The following SGCZ variants were observed in gnomAD, a reference collection of about 807,000 sequenced individuals.
SGCZ encodes zeta-sarcoglycan.
In SGCZ, 40 loss-of-function variants were observed where a neutral mutation model predicts 41.3. That is an observed-to-expected ratio of 0.97 (90% CI 0.75 to 1.26). The LOEUF is 1.26. SGCZ is among the 50% of genes most tolerant of loss of function. The probability of loss-of-function intolerance (pLI) is 0.00; values close to 1 mark genes in which losing one functional copy is unlikely to be tolerated. For synonymous variants in SGCZ, 206 were observed against 137.5 expected (o/e 1.50, Z -3.49); for missense variants, 552 against 369.8 (o/e 1.49, Z -4.04).
At chr8:14,398,681 T>C (rs993691904) in intron 2 of SGCZ, among the ~76,000 whole-genome samples, 3 of 152,020 alleles carry the variant, frequency 2.0e-5, no homozygotes, top group African/African-American at 7.2e-5. Flanking sequence ...TTACAAAGGG[T>C]GCTTGTCAGA....
At chr8:14,589,124 T>G (rs943450971) in intron 1 of SGCZ, among the ~76,000 whole-genome samples, 7 of 152,130 alleles carry the variant, frequency 4.6e-5, no homozygotes, top group African/African-American at 1.7e-4. Context: ...ACATGGCACA[T>G]GTATACATAT....
At chr8:14,292,291 G>C (rs1800866454) in intron 3 of SGCZ, among the ~76,000 whole-genome samples, 1 of 151,914 alleles carries the variant, frequency 6.6e-6, no homozygotes, top group South Asian at 2.1e-4. Flanking sequence ...ACTAATCTGG[G>C]GCAGACATGA....
At chr8:14,170,630 A>G (rs772551833) in intron 4 of SGCZ, among the ~76,000 whole-genome samples, 1 of 152,158 alleles carries the variant, frequency 6.6e-6, no homozygotes, top group African/African-American at 2.4e-5. Flanking sequence ...AAGGGTCCCA[A>G]TGGAACAACA....
At chr8:14,241,403 G>A (rs1798884341) in intron 3 of SGCZ, among the ~76,000 whole-genome samples, 1 of 148,352 alleles carries the variant, frequency 6.7e-6, no homozygotes, top group Admixed American at 6.8e-5. Context: ...CTACTATAAA[G>A]ATATAATATT....
At chr8:15,162,476 G>A (rs1036917776) in intron 1 of SGCZ, among the ~76,000 whole-genome samples, 2 of 152,172 alleles carry the variant, frequency 1.3e-5, no homozygotes, top group Non-Finnish European at 2.9e-5. Context: ...TACAAGTCAC[G>A]TGGATAGATA....
intron 1 of SGCZ, among the ~76,000 whole-genome samples, chr8:14,567,152 C>A (rs1442093768): frequency 6.6e-6 from 1 of 152,128 alleles, no homozygotes. Flanking sequence ...GGCGTCGGAG[C>A]CCCCCCAGGG....
chr8:15,114,588 A>T (rs1807196958), intron 1 of SGCZ, among the ~76,000 whole-genome samples: 1 of 152,180 alleles, frequency 6.6e-6, no homozygotes, highest in African/African-American at 2.4e-5. Flanking sequence ...AAATCTATCT[A>T]TAGAGAGCTG....
At chr8:14,467,054 G>C (rs1050858220) in intron 2 of SGCZ, among the ~76,000 whole-genome samples, 1 of 151,416 alleles carries the variant, frequency 6.6e-6, no homozygotes, top group Non-Finnish European at 1.5e-5. Context: ...ACTGGTTTTT[G>C]TTTTTGCTTA....
At chr8:14,792,782 C>T (rs939267757) in intron 1 of SGCZ, among the ~76,000 whole-genome samples, 4 of 152,012 alleles carry the variant, frequency 2.6e-5, no homozygotes, top group Non-Finnish European at 5.9e-5. Flanking sequence ...TCACTGACCA[C>T]TTTTCCATAC....
intron 5 of SGCZ, among the ~76,000 whole-genome samples, chr8:14,141,491 A>G (rs1803367854): frequency 6.6e-6 from 1 of 152,244 alleles, no homozygotes; most frequent in African/African-American, 2.4e-5. Flanking sequence ...CAACCCCATC[A>G]AAAACTGGGC....
At chr8:14,849,908 C>A (rs1352740844) in intron 1 of SGCZ, among the ~76,000 whole-genome samples, 1 of 152,136 alleles carries the variant, frequency 6.6e-6, no homozygotes, top group African/African-American at 2.4e-5. Context: ...AGCAAAATGT[C>A]TCTTTTATTT....
chr8:14,433,063 T>C (rs1401182741), intron 2 of SGCZ, among the ~76,000 whole-genome samples: 1 of 147,992 alleles, frequency 6.8e-6, no homozygotes, highest in African/African-American at 2.5e-5. Flanking sequence ...AAACAAAAAA[T>C]ATATGGCTTT....
intron 4 of SGCZ, among the ~76,000 whole-genome samples, chr8:14,177,041 T>C (rs147892549): frequency 1.3e-5 from 2 of 152,250 alleles, no homozygotes; most frequent in African/African-American, 4.8e-5. Context: ...ACGGTTGGTA[T>C]ACAGACAAGG....
At chr8:14,700,182 A>G (rs989148886) in intron 1 of SGCZ, among the ~76,000 whole-genome samples, 3 of 152,042 alleles carry the variant, frequency 2.0e-5, no homozygotes, top group Non-Finnish European at 4.4e-5. Context: ...AAAATTGACA[A>G]TAATAAAGAC....
intron 1 of SGCZ, among the ~76,000 whole-genome samples, chr8:15,074,539 T>C (rs17609053): frequency 0.19 from 28,840 of 152,088 alleles, 2,879 homozygotes; most frequent in East Asian, 0.29. Flanking sequence ...TTCCCGGATG[T>C]ATACGGGGTA....
chr8:15,142,032 T>C (rs1798902045), intron 1 of SGCZ, among the ~76,000 whole-genome samples: 1 of 151,964 alleles, frequency 6.6e-6, no homozygotes. Context: ...AAAGACCGAG[T>C]AGGAAAATTC....
intron 5 of SGCZ, 98 bp downstream of exon 5, chr8:14,164,482 T>G: frequency 7.0e-7 from 1 of 1,429,554 alleles, no homozygotes; most frequent in Non-Finnish European, 9.6e-7. Context: ...AGACTCTACT[T>G]TAGGCATAGG....
chr8:15,148,324 A>G (rs1799089380), intron 1 of SGCZ, among the ~76,000 whole-genome samples: 1 of 152,220 alleles, frequency 6.6e-6, no homozygotes, highest in African/African-American at 2.4e-5. Flanking sequence ...CATCAGGTTC[A>G]GGAGCTCACT....
intron 1 of SGCZ, among the ~76,000 whole-genome samples, chr8:14,585,541 A>T (rs1370791759): frequency 6.6e-6 from 1 of 152,118 alleles, no homozygotes; most frequent in East Asian, 1.9e-4. Context: ...GAGACTTGAA[A>T]TGGAACCAAG....
Sources: allele counts gnomAD v4.1 joint callset (sites outside exome capture counted in the v4.1 genomes callset), GRCh38; gene constraint gnomAD v4.1.1; transcripts MANE v1.5; gene names NCBI Gene and HGNC (gene_info 2026-07-23, HGNC 2026-07-21).